Variants in SHTN1 observed in about 807,000 individuals in gnomAD.
SHTN1 encodes shootin 1.
Under a neutral mutation model 83.1 loss-of-function variants are expected in SHTN1, and 42 were observed. The ratio of observed to expected loss-of-function variants is 0.51; its 90% CI spans 0.39 to 0.65. The LOEUF (loss-of-function observed/expected upper bound fraction) is 0.65, where lower values mean the gene tolerates loss of function less well. SHTN1 is among the 30% of genes least tolerant of loss of function. The pLI is 0.00. For synonymous variants in SHTN1, 224 were observed against 247.7 expected (o/e 0.90, Z 0.90); for missense variants, 622 against 737.8 (o/e 0.84, Z 1.82).
chr10:116,884,132 T>G lies in SHTN1; in HGVS notation c.*2212A>C. On this transcript the variant is annotated 3_prime_UTR_variant, in exon 17 of 17. Coordinates refer to ENST00000355371, the MANE Select transcript of SHTN1 (RefSeq NM_001127211.3). Reference sequence around the variant, plus strand: ...TCAAAAACATAAAGATGCAGTCTTTTCCAACTTAAAATTGTGTAAGCAGGA... The same window carrying G: ...TCAAAAACATAAAGATGCAGTCTTTGCCAACTTAAAATTGTGTAAGCAGGA... 2.3e-6 allele frequency: 1 copy of G among 435,382 alleles called. No individual in the cohort carries two copies. The highest frequency in any genetic ancestry group is 4.7e-6 in the Non-Finnish European group (1 of 213,632). The allele number at this position is 435,382 out of a possible 1,614,324, so 27.0% of individuals were successfully genotyped here.
intron 16 of SHTN1, among the ~76,000 whole-genome samples, chr10:116,887,261 C>T (rs765052263): frequency 2.6e-5 from 4 of 152,188 alleles, no homozygotes; most frequent in African/African-American, 4.8e-5. Flanking sequence ...CTCCTTCTCT[C>T]GTCTCTTCTG....
intron 2 of SHTN1, among the ~76,000 whole-genome samples, chr10:116,969,417 G>T (rs1449611863): frequency 6.6e-6 from 1 of 152,142 alleles, no homozygotes; most frequent in Non-Finnish European, 1.5e-5. Context: ...CTCCAGCATG[G>T]GCGACAGAGT....
intron 2 of SHTN1, among the ~76,000 whole-genome samples, chr10:117,020,677 T>C (rs903864811): frequency 3.3e-5 from 5 of 151,200 alleles, no homozygotes; most frequent in Non-Finnish European, 7.4e-5. Flanking sequence ...AGAAAAATCA[T>C]GGACCTAAAT....
chr10:116,883,972 C>T lies in SHTN1; in HGVS notation c.*2372G>A, dbSNP rs1847092880. 4.8e-6 allele frequency: 1 copy of T among 209,898 alleles called. No homozygotes were observed. Among genetic ancestry groups the T allele is most frequent in the Non-Finnish European group, 1.0e-5 (1 of 99,618 alleles). The allele number at this position is 209,898 out of a possible 1,614,324, so 13.0% of individuals were successfully genotyped here. ...TTAATAGCAATGGCACAAAGTACCT[C>T]TATCTCTGTTCCTCACTCGGGCTAT... On this transcript the variant is annotated 3_prime_UTR_variant, in exon 17 of 17. Transcript: ENST00000355371.
chr10:116,956,730 G>T (rs1849991194), intron 4 of SHTN1, among the ~76,000 whole-genome samples: 1 of 151,992 alleles, frequency 6.6e-6, no homozygotes, highest in Non-Finnish European at 1.5e-5. Flanking sequence ...GCCCTCAAAA[G>T]GGTTTAATGC....
At chr10:116,897,015 C>T (rs1481946039) in intron 16 of SHTN1, among the ~76,000 whole-genome samples, 3 of 152,064 alleles carry the variant, frequency 2.0e-5, no homozygotes, top group Non-Finnish European at 2.9e-5. Context: ...CCATGTTGGC[C>T]CGGCTGGTCT....
intron 2 of SHTN1, among the ~76,000 whole-genome samples, chr10:116,975,038 A>G (rs1589859612): frequency 6.6e-6 from 1 of 152,320 alleles, no homozygotes; most frequent in Non-Finnish European, 1.5e-5. Context: ...TGTTCACCTC[A>G]GTATGATAGG....
chr10:116,977,689 T>TGTGTGTGTG (rs35991700), intron 2 of SHTN1, among the ~76,000 whole-genome samples: 1 of 150,354 alleles, frequency 6.7e-6, no homozygotes, highest in African/African-American at 2.4e-5. Flanking sequence ...TGTGTGTGTG[T>TGTGTGTGTG]TTTGAGACAA....
chr10:117,045,815 T>C (rs1236589730), intron 2 of SHTN1, among the ~76,000 whole-genome samples: 1 of 152,194 alleles, frequency 6.6e-6, no homozygotes, highest in Non-Finnish European at 1.5e-5. Flanking sequence ...TTCAGACTGG[T>C]ATTTAAAGTA....
rs1402173213 is a variant in SHTN1, at chr10:117,090,558, A to G, written c.-189+35749T>C. 2.6e-5 allele frequency among the ~76,000 whole-genome samples: 4 copies of G among 152,222 alleles called. No individual in the cohort carries two copies. In the East Asian group the frequency reaches 5.8e-4, roughly 22 times the overall value. ...GTTAAGATGGTCAATTTTATGCTAT[A>G]TGTATTTTCCACAATTTGAAATAAA... On this transcript the variant is annotated intron_variant, in intron 1 of 17. Coordinates refer to the SHTN1 transcript ENST00000392901.
At chr10:116,960,297 A>G in intron 3 of SHTN1, 67 bp from the exon 4 acceptor site, 1 of 864,912 alleles carries the variant, frequency 1.2e-6, no homozygotes, top group Non-Finnish European at 2.0e-6. Context: ...GAGCCCACGC[A>G]TCGTCCCATG....
intron 9 of SHTN1, among the ~76,000 whole-genome samples, chr10:116,932,121 TCAA>T (rs1848992061): frequency 6.6e-6 from 1 of 152,204 alleles, no homozygotes. Context: ...AGATACTCTC[TCAA>T]CAATCCTCTG....
chr10:116,932,400 C>G (rs535682727), intron 9 of SHTN1, among the ~76,000 whole-genome samples: 1 of 152,214 alleles, frequency 6.6e-6, no homozygotes, highest in East Asian at 1.9e-4. Context: ...CCAGGTTGGC[C>G]GCTCTTTATG....
intron 9 of SHTN1, 54 bp from the exon 10 acceptor site, chr10:116,930,056 CAAAGA>C (rs1427735599): frequency 7.3e-6 from 9 of 1,240,800 alleles, no homozygotes; most frequent in East Asian, 5.0e-5. Context: ...TTTCCTTTGT[CAAAGA>C]AAAGAAAGGG....
chr10:117,078,594 T>C (rs1805012978), intron 1 of SHTN1, among the ~76,000 whole-genome samples: 1 of 152,188 alleles, frequency 6.6e-6, no homozygotes, highest in Admixed American at 6.6e-5. Flanking sequence ...TTTGATCCAT[T>C]GTGTCTTGTC....
chr10:117,024,674 C>A (rs1303051634), intron 2 of SHTN1, among the ~76,000 whole-genome samples: 1 of 151,786 alleles, frequency 6.6e-6, no homozygotes, highest in African/African-American at 2.4e-5. Flanking sequence ...TAAATTTTAC[C>A]TTAAAGAAAA....
chr10:117,116,861 C>G (rs1386675532), intron 1 of SHTN1, among the ~76,000 whole-genome samples: 2 of 152,042 alleles, frequency 1.3e-5, no homozygotes, highest in Non-Finnish European at 2.9e-5. Context: ...ACCAACATTC[C>G]TTTATCATAA....
At chr10:117,001,635 T>C (rs1851824710) in intron 1 of SHTN1, among the ~76,000 whole-genome samples, 1 of 152,144 alleles carries the variant, frequency 6.6e-6, no homozygotes. Flanking sequence ...GGTTCAAACA[T>C]AGTTAGATAC....
rs935833185 is a variant in SHTN1, at chr10:117,055,253, C to T, written c.-188-6743G>A. ...GACACATGGGGATTACAATTCAAGACGAGATTTGGGTGAGGACACAGAGCC... is the reference window on the plus strand; with the variant it reads ...GACACATGGGGATTACAATTCAAGATGAGATTTGGGTGAGGACACAGAGCC... On this transcript the variant is annotated intron_variant, in intron 1 of 17. Coordinates refer to the SHTN1 transcript ENST00000392901. 5.3e-5 allele frequency among the ~76,000 whole-genome samples: 8 copies of T among 152,224 alleles called. No individual in the cohort carries two copies. In the South Asian group the frequency reaches 8.3e-4, roughly 16 times the overall value.
Sources: allele counts gnomAD v4.1 joint callset (sites outside exome capture counted in the v4.1 genomes callset), GRCh38; gene constraint gnomAD v4.1.1; transcripts MANE v1.5; gene names NCBI Gene and HGNC (gene_info 2026-07-23, HGNC 2026-07-21).